ZNF367: variants seen among roughly 807,000 people sequenced by gnomAD.
ZNF367 encodes the protein C2H2 zinc finger protein ZFF29.
In ZNF367, 11 loss-of-function variants were observed where a neutral mutation model predicts 31.8. That is an observed-to-expected ratio of 0.35 (90% CI 0.22 to 0.57). ZNF367 has a LOEUF of 0.57. Among genes scored for constraint, ZNF367 ranks in the 20% least tolerant of loss-of-function variants. The pLI is 0.85. For synonymous variants in ZNF367, 199 were observed against 202.4 expected (o/e 0.98, Z 0.14); for missense variants, 353 against 484.1 (o/e 0.73, Z 2.54).
chr9:96,392,210 C>T, intron 4 of ZNF367, 188 bp downstream of exon 4: 1 of 761,614 alleles, frequency 1.3e-6, no homozygotes, highest in Middle Eastern at 3.3e-4. Context: ...AATTTTCTAT[C>T]ACACACAGAT....
At chr9:96,403,668 T>C (rs1387668485) in intron 1 of ZNF367, among the ~76,000 whole-genome samples, 1 of 152,148 alleles carries the variant, frequency 6.6e-6, no homozygotes, top group Admixed American at 6.6e-5. Flanking sequence ...GAAAGACATA[T>C]AGACCAATGA....
chr9:96,411,431 C>A (rs1831748627), intron 1 of ZNF367, among the ~76,000 whole-genome samples: 1 of 151,334 alleles, frequency 6.6e-6, no homozygotes, highest in South Asian at 2.1e-4. Flanking sequence ...CCCAGCTACT[C>A]AGGAGGCTGA....
intron 4 of ZNF367, 120 bp from the exon 5 acceptor site, chr9:96,388,579 T>A: frequency 1.1e-6 from 1 of 913,622 alleles, no homozygotes; most frequent in Non-Finnish European, 1.6e-6. Flanking sequence ...TATAAAGTTA[T>A]AAAGTGATTT....
At chr9:96,414,480 T>C (rs1384967135) in intron 1 of ZNF367, among the ~76,000 whole-genome samples, 2 of 152,068 alleles carry the variant, frequency 1.3e-5, no homozygotes, top group East Asian at 3.8e-4. Flanking sequence ...ATGCATCTTG[T>C]TAGCAATTTT....
intron 2 of ZNF367, among the ~76,000 whole-genome samples, chr9:96,396,211 C>A (rs1473563296): frequency 6.6e-6 from 1 of 152,194 alleles, no homozygotes. Context: ...TCAGCCCTTT[C>A]TTCATTCTGC....
chr9:96,412,669 G>T lies in ZNF367; in HGVS notation c.420+4944C>A, dbSNP rs10760999. 4.0e-5 allele frequency among the ~76,000 whole-genome samples: 6 copies of T among 150,468 alleles called. No individual in the cohort carries two copies. The East Asian group carries it at 1.2e-3, about 29-fold the overall frequency. On this transcript the variant is annotated intron_variant, in intron 1 of 4. Transcript: ENST00000375256. Reference sequence around the variant, plus strand: ...TTGAGACATAGATAAGCTATACATAGTATGTATTTCTTTTTTCTTTTTCTT... The same window carrying T: ...TTGAGACATAGATAAGCTATACATATTATGTATTTCTTTTTTCTTTTTCTT...
At chr9:96,391,694 T>C (rs1010970837) in intron 4 of ZNF367, among the ~76,000 whole-genome samples, 6 of 152,144 alleles carry the variant, frequency 3.9e-5, no homozygotes, top group East Asian at 1.9e-4. Context: ...CTTGTTGCCA[T>C]TGGAAAAAAT....
At chr9:96,407,627 C>T (rs879220907) in intron 1 of ZNF367, 1 of 1,450,454 alleles carries the variant, frequency 6.9e-7, no homozygotes, top group Non-Finnish European at 9.7e-7. Flanking sequence ...AAAGAGAAGG[C>T]GGGAAAATGG....
At chr9:96,409,650 A>T (rs1036964819) in intron 1 of ZNF367, among the ~76,000 whole-genome samples, 1 of 152,248 alleles carries the variant, frequency 6.6e-6, no homozygotes, top group Non-Finnish European at 1.5e-5. Context: ...GTACAAATTA[A>T]CAAATCAACT....
At chr9:96,398,087 C>CAAAAAAAAAAAAAAAA (rs374810647) in intron 2 of ZNF367, 77 bp downstream of exon 2, 1 of 360,598 alleles carries the variant, frequency 2.8e-6, no homozygotes, top group Non-Finnish European at 4.1e-6. Flanking sequence ...GAGACTATCT[C>CAAAAAAAAAAAAAAAA]AAAAAAAAAA....
Position 96,387,962 on chromosome 9 carries a change from C to T in ZNF367, c.*275G>A, listed in dbSNP as rs907859922. 5.6e-5 allele frequency: 20 copies of T among 355,440 alleles called. No individual in the cohort carries two copies. Among genetic ancestry groups the T allele is most frequent in the Middle Eastern group, 7.2e-4 (1 of 1,388 alleles). 22.0% of individuals were successfully genotyped at this position (355,440 alleles called of 1,614,324 possible). ...AACTGCTTCCAATGAATGCATTAAA[C>T]TTGCAAAATCTAGCTTCCCACAATA... On this transcript the variant is annotated 3_prime_UTR_variant, in exon 5 of 5. Coordinates refer to ENST00000375256, the MANE Select transcript of ZNF367 (RefSeq NM_153695.4).
intron 1 of ZNF367, among the ~76,000 whole-genome samples, chr9:96,404,190 G>A (rs1442286269): frequency 1.3e-5 from 2 of 151,868 alleles, no homozygotes; most frequent in African/African-American, 2.4e-5. Context: ...GCCGGGCGCG[G>A]TGGCTCACGC....
intron 2 of ZNF367, 142 bp from the exon 3 acceptor site, chr9:96,395,084 A>C: frequency 1.2e-6 from 1 of 853,524 alleles, no homozygotes; most frequent in Non-Finnish European, 1.8e-6. Context: ...CTGCAGGTGG[A>C]AATGCTAATG....
chr9:96,413,470 C>T (rs973161396), intron 1 of ZNF367, among the ~76,000 whole-genome samples: 1 of 152,068 alleles, frequency 6.6e-6, no homozygotes, highest in Non-Finnish European at 1.5e-5. Flanking sequence ...TCAGGTGACA[C>T]AGAAAGGGGA....
intron 1 of ZNF367, chr9:96,407,810 T>C: frequency 9.8e-7 from 1 of 1,023,232 alleles, no homozygotes; most frequent in Non-Finnish European, 1.4e-6. Flanking sequence ...AGACGGGGTT[T>C]CACCGTGTTA....
At chr9:96,412,697 CTTTTTTTTT>C (rs71368258) in intron 1 of ZNF367, among the ~76,000 whole-genome samples, 2 of 133,800 alleles carry the variant, frequency 1.5e-5, no homozygotes, top group Non-Finnish European at 3.2e-5. Context: ...TTTTTCTTTT[CTTTTTTTTT>C]TTTTTTTGAG....
chr9:96,406,836 TAAAAA>T (rs35734931), intron 1 of ZNF367, among the ~76,000 whole-genome samples: 1 of 149,978 alleles, frequency 6.7e-6, no homozygotes, highest in Admixed American at 6.6e-5. Flanking sequence ...CCATCTCTAC[TAAAAA>T]AATACAAAAA....
chr9:96,410,580 CAAAA>C (rs1330244140), intron 1 of ZNF367, among the ~76,000 whole-genome samples: 1 of 96,094 alleles, frequency 1.0e-5, no homozygotes, highest in Non-Finnish European at 2.2e-5. Context: ...AAAAAAAAAA[CAAAA>C]AAAACCATAG....
chr9:96,391,116 A>C (rs57251312), intron 4 of ZNF367, among the ~76,000 whole-genome samples: 7,042 of 152,234 alleles, frequency 0.046, 205 homozygotes, highest in African/African-American at 0.079. Context: ...ATTCCATTAT[A>C]TAATTCTTAT....
Sources: allele counts gnomAD v4.1 joint callset (sites outside exome capture counted in the v4.1 genomes callset), GRCh38; gene constraint gnomAD v4.1.1; transcripts MANE v1.5; gene names NCBI Gene and HGNC (gene_info 2026-07-23, HGNC 2026-07-21).